Variants in COLEC12 observed in about 807,000 individuals in gnomAD.
The protein encoded by COLEC12 is collectin subfamily member 12, also known as collectin-12.
COLEC12 carries 33 observed loss-of-function variants against 71.1 expected under a neutral mutation model. The ratio of observed to expected loss-of-function variants is 0.46; its 90% confidence interval spans 0.35 to 0.62. COLEC12 has a LOEUF of 0.62. Ranked by LOEUF, COLEC12 falls within the 20% of genes least tolerant of loss-of-function variation. The pLI is 0.00. For missense variants in COLEC12, 765 were observed against 916.1 expected (o/e 0.84, Z 2.13); for synonymous variants, 350 against 353.0 (o/e 0.99, Z 0.10).
At chr18:425,458 G>C (rs1598359315) in intron 2 of COLEC12, among the ~76,000 whole-genome samples, 1 of 152,182 alleles carries the variant, frequency 6.6e-6, no homozygotes, top group South Asian at 2.1e-4. Context: ...TAGACCAGGA[G>C]GGGAGTGTGC....
Position 480,189 on chromosome 18 carries a change from A to G in COLEC12, c.58+518T>C, listed in dbSNP as rs1917385710. On this transcript the variant is annotated intron_variant, in intron 2 of 9. Coordinates refer to ENST00000400256, the MANE Select transcript of COLEC12 (RefSeq NM_130386.3). The surrounding 1 kb of genome is among the most constrained non-coding windows in gnomAD (Gnocchi z 4.1). Reference sequence around the variant, plus strand: ...TCACACCTACAAAGTCCTTTGTGCCACATAAGGTAACATTCAGGTTTCAGG... The same window carrying G: ...TCACACCTACAAAGTCCTTTGTGCCGCATAAGGTAACATTCAGGTTTCAGG... Among the ~76,000 whole-genome samples the G allele has an allele frequency of 6.6e-6, 1 of 152,070 alleles. No individual in the cohort carries two copies. Among genetic ancestry groups the G allele is most frequent in the Non-Finnish European group, 1.5e-5 (1 of 68,014 alleles).
chr18:330,258 C>A (rs930922281), intron 8 of COLEC12, among the ~76,000 whole-genome samples: 6 of 152,162 alleles, frequency 3.9e-5, no homozygotes, highest in African/African-American at 1.4e-4. Context: ...CACCTCTGAC[C>A]CTCCTCCCTG....
chr18:469,831 C>A (rs72853165), intron 2 of COLEC12, among the ~76,000 whole-genome samples: 2,222 of 152,078 alleles, frequency 0.015, 54 homozygotes, highest in Non-Finnish European at 0.015. Flanking sequence ...GGCCTCACTG[C>A]CAGCATGGAC....
At chr18:467,643 C>A (rs1917113406) in intron 2 of COLEC12, among the ~76,000 whole-genome samples, 1 of 152,214 alleles carries the variant, frequency 6.6e-6, no homozygotes, top group Non-Finnish European at 1.5e-5. Context: ...CAGACACCTG[C>A]ATTTGAATAA....
rs1206731874 is a variant in COLEC12, at chr18:327,534, G to A, written c.2063+4134C>T. 6.6e-6 allele frequency among the ~76,000 whole-genome samples: 1 copy of A among 152,224 alleles called. No individual in the cohort carries two copies. Among genetic ancestry groups the A allele is most frequent in the African/African-American group, 2.4e-5 (1 of 41,460 alleles). Reference sequence around the variant, plus strand: ...TGAGTGTTTCATGGGAAATAAGCCTGAGCTCAATCTGTGTGTCCCCTAAGC... The same window carrying A: ...TGAGTGTTTCATGGGAAATAAGCCTAAGCTCAATCTGTGTGTCCCCTAAGC... On this transcript the variant is annotated intron_variant, in intron 8 of 9. Transcript: ENST00000400256. This position sits in a 1 kb window ranked among gnomAD's most constrained non-coding sequence, Gnocchi z 4.0.
chr18:371,592 C>T (rs1915000671), intron 2 of COLEC12, among the ~76,000 whole-genome samples: 1 of 152,004 alleles, frequency 6.6e-6, no homozygotes, highest in African/African-American at 2.4e-5. Context: ...GGGATAGAAA[C>T]AATTTTTTTT....
intron 2 of COLEC12, among the ~76,000 whole-genome samples, chr18:458,692 C>G (rs753584388): frequency 6.6e-6 from 1 of 152,238 alleles, no homozygotes; most frequent in Non-Finnish European, 1.5e-5. Flanking sequence ...TCTAAACTGT[C>G]GTCTTCCAGA....
intron 5 of COLEC12, among the ~76,000 whole-genome samples, chr18:340,685 T>C (rs997824095): frequency 6.6e-6 from 1 of 152,152 alleles, no homozygotes; most frequent in Admixed American, 6.5e-5. Flanking sequence ...GGTGGTAAGA[T>C]TGGAAGATAG....
At chr18:493,074 G>A (rs945933924) in intron 1 of COLEC12, among the ~76,000 whole-genome samples, 4 of 152,172 alleles carry the variant, frequency 2.6e-5, no homozygotes, top group African/African-American at 4.8e-5. Flanking sequence ...ATGGTGGCAC[G>A]CACCTGTACT....
At position 348,182 on chromosome 18, in the gene COLEC12, T is replaced by C. The variant is rs1204044022; in HGVS notation, c.182-19A>G. On this transcript the variant is annotated intron_variant, in intron 3 of 9. Coordinates refer to ENST00000400256, the MANE Select transcript of COLEC12 (RefSeq NM_130386.3). ...TCTACAACTAAGATTTGGAAAATGA[T>C]GCATTAGTATACATATCTGCTCATA... The C allele has an allele frequency of 2.1e-6, 3 of 1,435,388 alleles. No individual in the cohort carries two copies. The highest frequency in any genetic ancestry group is 2.9e-6 in the Non-Finnish European group (3 of 1,017,182). The allele number at this position is 1,435,388 out of a possible 1,614,324, so 88.9% of individuals were successfully genotyped here.
At chr18:468,135 G>T (rs1399387250) in intron 2 of COLEC12, among the ~76,000 whole-genome samples, 5 of 151,912 alleles carry the variant, frequency 3.3e-5, no homozygotes, top group Non-Finnish European at 7.4e-5. Context: ...GGTGTCATGT[G>T]CCTGTAGTCC....
At chr18:340,301 C>T (rs940119536) in intron 5 of COLEC12, among the ~76,000 whole-genome samples, 2 of 152,086 alleles carry the variant, frequency 1.3e-5, no homozygotes, top group African/African-American at 2.4e-5. Flanking sequence ...AGGATACCCA[C>T]GCGGCTGGTA....
At position 445,553 on chromosome 18, in the gene COLEC12, C is replaced by A. The variant is rs369410844; in HGVS notation, c.58+35154G>T. On this transcript the variant is annotated intron_variant, in intron 2 of 9. Coordinates refer to ENST00000400256, the MANE Select transcript of COLEC12 (RefSeq NM_130386.3). ...AGACTTGTATACCCAACACTATAAC[C>A]AATTTTCCAATTTTAGAATATTTTC... 1.1e-3 allele frequency among the ~76,000 whole-genome samples: 165 copies of A among 151,768 alleles called. 4 individuals are homozygous for A. The South Asian group carries it at 0.031, about 29-fold the overall frequency.
intron 1 of COLEC12, among the ~76,000 whole-genome samples, chr18:496,416 G>T (rs1335868387): frequency 6.6e-6 from 1 of 152,142 alleles, no homozygotes; most frequent in Non-Finnish European, 1.5e-5. Context: ...TAATTAGATT[G>T]TAAATTTGCC....
chr18:399,143 C>G lies in COLEC12; in HGVS notation c.59-41621G>C, dbSNP rs1486550119. On this transcript the variant is annotated intron_variant, in intron 2 of 9. Coordinates refer to ENST00000400256, the MANE Select transcript of COLEC12 (RefSeq NM_130386.3). The surrounding 1 kb of genome is among the most constrained non-coding windows in gnomAD (Gnocchi z 4.0). ...AGGAACTGTTTAAAAAGCAAAGGAA[C>G]CAAAAACAACACAAAAAAACCCCAA... is the stretch of plus-strand genomic sequence containing the variant. Among the ~76,000 whole-genome samples the G allele has an allele frequency of 6.6e-6, 1 of 152,164 alleles. No individual in the cohort carries two copies. The highest frequency in any genetic ancestry group is 6.5e-5 in the Admixed American group (1 of 15,288).
chr18:420,987 T>C (rs905654566), intron 2 of COLEC12, among the ~76,000 whole-genome samples: 1 of 152,148 alleles, frequency 6.6e-6, no homozygotes, highest in Non-Finnish European at 1.5e-5. Context: ...TTTAGACCTA[T>C]CGGAAATTAT....
chr18:440,710 G>A (rs188695431), intron 2 of COLEC12, among the ~76,000 whole-genome samples: 4 of 152,214 alleles, frequency 2.6e-5, no homozygotes, highest in Admixed American at 2.0e-4. Flanking sequence ...AGGGCCAACT[G>A]CAATTAGGAA....
chr18:329,653 C>T (rs1913927577), intron 8 of COLEC12, among the ~76,000 whole-genome samples: 1 of 152,204 alleles, frequency 6.6e-6, no homozygotes, highest in Admixed American at 6.5e-5. Context: ...GCAGAGGAGC[C>T]GACGAGTCTC....
At chr18:363,513 G>T (rs2143515205) in intron 2 of COLEC12, among the ~76,000 whole-genome samples, 1 of 152,288 alleles carries the variant, frequency 6.6e-6, no homozygotes, top group Non-Finnish European at 1.5e-5. Context: ...GATTCGCAGT[G>T]AACTTTTCAT....
Sources: gnomAD v4.1 joint callset for allele counts (sites outside exome capture counted in the v4.1 genomes callset) on GRCh38, gnomAD v4.1.1 for gene constraint, Gnocchi (gnomAD v3.1) non-coding constraint, MANE v1.5 for transcripts, NCBI Gene and HGNC (gene_info 2026-07-23, HGNC 2026-07-21) for gene names.